Variants in EIF5B observed in about 807,000 individuals in gnomAD.
EIF5B encodes the protein eIF-5B.
Under a neutral mutation model 147.5 loss-of-function variants are expected in EIF5B, and 47 were observed. The observed-to-expected ratio is 0.32, with a 90% CI of 0.25 to 0.41. The LOEUF is 0.41. Among genes scored for constraint, EIF5B ranks in the 10% least tolerant of loss-of-function variants. EIF5B has a pLI of 1.00. For missense variants in EIF5B, 1,064 were observed against 1,413.2 expected, an observed-to-expected ratio of 0.75 and a Z score of 3.96; for synonymous variants, 455 against 456.2, an observed-to-expected ratio of 1.00 and a Z score of 0.03.
At chr2:99,389,696 T>C in intron 14 of EIF5B, 22 bp from the exon 15 acceptor site, 1 of 1,579,022 alleles carries the variant, frequency 6.3e-7, no homozygotes, top group Non-Finnish European at 8.5e-7. Flanking sequence ...TAGAGATCTT[T>C]CTCATGAAAA....
At chr2:99,376,298 A>G (rs1674562444) in intron 9 of EIF5B, 49 bp from the exon 10 acceptor site, 2 of 1,196,930 alleles carry the variant, frequency 1.7e-6, no homozygotes, top group East Asian at 5.1e-5. Context: ...CTTGATATAA[A>G]TCTATCATAT....
intron 18 of EIF5B, 47 bp from the exon 19 acceptor site, chr2:99,394,220 G>A (rs770673950): frequency 1.3e-6 from 2 of 1,573,624 alleles, no homozygotes; most frequent in Non-Finnish European, 1.7e-6. Context: ...AGACTGCTGA[G>A]GATAGAGGTG....
intron 1 of EIF5B, among the ~76,000 whole-genome samples, chr2:99,345,665 C>T (rs1254766137): frequency 6.7e-6 from 1 of 149,436 alleles, no homozygotes; most frequent in Non-Finnish European, 1.5e-5. Flanking sequence ...GGTAGGTGGG[C>T]GGGGTGCGGT....
At chr2:99,383,534 A>G (rs1674735143) in intron 14 of EIF5B, among the ~76,000 whole-genome samples, 1 of 152,244 alleles carries the variant, frequency 6.6e-6, no homozygotes, top group African/African-American at 2.4e-5. Flanking sequence ...AATCTAAAGC[A>G]AGGCCCTCTC....
chr2:99,389,666 C>A, intron 14 of EIF5B, 52 bp from the exon 15 acceptor site: 1 of 1,539,950 alleles, frequency 6.5e-7, no homozygotes, highest in Non-Finnish European at 8.8e-7. Flanking sequence ...TAATACAGTT[C>A]TTGAATGTTC....
At chr2:99,389,636 G>C (rs1674882820) in intron 14 of EIF5B, 82 bp from the exon 15 acceptor site, 2 of 1,346,776 alleles carry the variant, frequency 1.5e-6, no homozygotes, top group Admixed American at 4.8e-5. Flanking sequence ...AGACACACAT[G>C]AGGAATTTTC....
At chr2:99,382,683 T>C (rs1674714899) in intron 13 of EIF5B, 97 bp from the exon 14 acceptor site, 1 of 1,208,700 alleles carries the variant, frequency 8.3e-7, no homozygotes, top group South Asian at 1.7e-5. Context: ...ATACATATAC[T>C]CTATTTTGTT....
intron 1 of EIF5B, among the ~76,000 whole-genome samples, chr2:99,358,696 A>G (rs529586502): frequency 3.3e-5 from 5 of 152,306 alleles, no homozygotes; most frequent in Non-Finnish European, 5.9e-5. Flanking sequence ...TTGAGGCATA[A>G]CACACCTTGT....
chr2:99,382,659 A>G, intron 13 of EIF5B, 121 bp from the exon 14 acceptor site: 1 of 1,000,608 alleles, frequency 1.0e-6, no homozygotes, highest in East Asian at 2.8e-5. Flanking sequence ...GGCTAATAGT[A>G]CTTGAACAAT....
At chr2:99,353,843 G>C (rs534110582) in intron 1 of EIF5B, among the ~76,000 whole-genome samples, 2 of 152,244 alleles carry the variant, frequency 1.3e-5, no homozygotes, top group African/African-American at 4.8e-5. Context: ...TATCGAAGTT[G>C]TTGCATGTAT....
At chr2:99,338,010 G>T (rs1309074004) in intron 1 of EIF5B, among the ~76,000 whole-genome samples, 1 of 152,230 alleles carries the variant, frequency 6.6e-6, no homozygotes, top group African/African-American at 2.4e-5. Context: ...TGAATGTGAT[G>T]TACGGCCGGG....
rs2094246337 is a variant in EIF5B at position 99,337,701 on chromosome 2, G to T, written c.35+112G>T. The T allele has an allele frequency of 6.6e-6, 9 of 1,363,824 alleles. No homozygotes were observed. In the South Asian group the frequency reaches 9.8e-5, roughly 15 times the overall value. 84.5% of individuals were successfully genotyped at this position (1,363,824 alleles called of 1,614,324 possible). On this transcript the variant is annotated intron_variant, in intron 1 of 23. Transcript: ENST00000289371. ...TCTGGGCTCGCGATGAGCTTCGCGG[G>T]GTACCAGGCCTGGGCCCAGAGTGTG...
chr2:99,337,604 G>C lies in EIF5B; in HGVS notation c.35+15G>C, dbSNP rs1231161428. 1 of 1,607,866 alleles carries C rather than the reference G, an allele frequency of 6.2e-7. No homozygotes were observed. Among genetic ancestry groups the C allele is most frequent in the Non-Finnish European group, 8.5e-7 (1 of 1,177,088 alleles). ...AGCGAAGACAGGTAGATAGGGGTTG[G>C]GTCCGTACGGCGGCGGCCGCCGTGG... On this transcript the variant is annotated intron_variant, in intron 1 of 23. Coordinates refer to ENST00000289371, the MANE Select transcript of EIF5B (RefSeq NM_015904.4).
intron 8 of EIF5B, among the ~76,000 whole-genome samples, chr2:99,369,701 T>C (rs908817453): frequency 1.3e-5 from 2 of 152,166 alleles, no homozygotes; most frequent in Non-Finnish European, 2.9e-5. Context: ...TTTTCAGCAG[T>C]GTTAGAAAAT....
chr2:99,369,234 A>G (rs1409133291), intron 7 of EIF5B, among the ~76,000 whole-genome samples, 158 bp from the exon 8 acceptor site: 3 of 152,206 alleles, frequency 2.0e-5, no homozygotes, highest in Admixed American at 6.5e-5. Flanking sequence ...AGATTGTACC[A>G]CTGCACTCCA....
chr2:99,396,049 A>C (rs1195732988), intron 21 of EIF5B, among the ~76,000 whole-genome samples: 1 of 152,174 alleles, frequency 6.6e-6, no homozygotes, highest in Non-Finnish European at 1.5e-5. Context: ...GGAGGCTCCC[A>C]CAGTCCAAGC....
chr2:99,347,527 C>G (rs2094275895), intron 1 of EIF5B, among the ~76,000 whole-genome samples: 1 of 150,824 alleles, frequency 6.6e-6, no homozygotes, highest in East Asian at 1.9e-4. Flanking sequence ...TTTAACAGGC[C>G]TGAGATTTTG....
chr2:99,366,933 G>A (rs1454857089), intron 6 of EIF5B, among the ~76,000 whole-genome samples: 1 of 152,222 alleles, frequency 6.6e-6, no homozygotes, highest in Non-Finnish European at 1.5e-5. Flanking sequence ...AGGTAATTCA[G>A]TGGATAAAAT....
intron 1 of EIF5B, among the ~76,000 whole-genome samples, chr2:99,355,524 A>C (rs951438680): frequency 6.7e-6 from 1 of 150,046 alleles, no homozygotes; most frequent in African/African-American, 2.5e-5. Context: ...AGATTTAAGT[A>C]TGTTACTTTC....
Sources: allele counts gnomAD v4.1 joint callset (sites outside exome capture counted in the v4.1 genomes callset), GRCh38; gene constraint gnomAD v4.1.1; transcripts MANE v1.5; gene names NCBI Gene and HGNC (gene_info 2026-07-23, HGNC 2026-07-21).